Variants in AAMDC observed in about 807,000 individuals in gnomAD.
The protein encoded by AAMDC is mth938 domain-containing protein.
Under a neutral mutation model 15.5 loss-of-function variants are expected in AAMDC, and 16 were observed. The observed-to-expected ratio is 1.03, with a 90% confidence interval of 0.70 to 1.57. The LOEUF is 1.57. Ranked by LOEUF, AAMDC falls within the 40% of genes most tolerant of loss-of-function variation. The pLI is 0.00. For synonymous variants in AAMDC, 51 were observed against 51.6 expected, an observed-to-expected ratio of 0.99 and a Z score of 0.05; for missense variants, 141 against 144.9, an observed-to-expected ratio of 0.97 and a Z score of 0.14.
In AAMDC at chr11:77,824,010, C is replaced by T. The variant is rs192867796; in HGVS notation, c.-19+2769C>T. Among the ~76,000 whole-genome samples, 194 of 152,250 alleles carry T rather than the reference C, an allele frequency of 1.3e-3. 1 individual carries two copies. The highest frequency in any genetic ancestry group is 4.5e-3 in the African/African-American group (187 of 41,550). On this transcript the variant is annotated intron_variant, in intron 1 of 3. Coordinates refer to ENST00000393427, the MANE Select transcript of AAMDC (RefSeq NM_024684.4). Reference sequence around the variant, plus strand: ...TGATAAATAAAGGTTAGAGTTTCTGCCTTTTCTAATCTAGATCGGCAGGGA... The same window carrying T: ...TGATAAATAAAGGTTAGAGTTTCTGTCTTTTCTAATCTAGATCGGCAGGGA...
At position 77,869,194 on chromosome 11, in the gene AAMDC, AT is replaced by A. The variant is rs201671729; in HGVS notation, c.133-524del. 6.2e-3 allele frequency: 1,354 copies of A among 218,198 alleles called. 20 individuals are homozygous for A. The highest frequency in any genetic ancestry group is 0.028 in the African/African-American group (1,206 of 42,568). 13.5% of individuals were successfully genotyped at this position (218,198 alleles called of 1,614,324 possible). On this transcript the variant is annotated intron_variant, in intron 2 of 3. Coordinates refer to ENST00000393427, the MANE Select transcript of AAMDC (RefSeq NM_024684.4). ...TCTCCTCTTTCCCTTTGTATTTGTC[AT>A]TTTGGCAAATTACTGGAAGATGGTT...
intron 2 of AAMDC, chr11:77,850,818 T>C (rs1206834088): frequency 6.6e-6 from 1 of 151,702 alleles, no homozygotes; most frequent in African/African-American, 2.4e-5. Flanking sequence ...ACACTCACAC[T>C]TTGTCCCCCT....
intron 2 of AAMDC, among the ~76,000 whole-genome samples, chr11:77,846,139 C>A (rs927658536): frequency 6.6e-6 from 1 of 151,986 alleles, no homozygotes; most frequent in Non-Finnish European, 1.5e-5. Context: ...TCTATAAAGT[C>A]TGTATTCTTT....
intron 2 of AAMDC, among the ~76,000 whole-genome samples, chr11:77,862,357 C>T (rs767210597): frequency 3.3e-5 from 5 of 152,170 alleles, no homozygotes; most frequent in Non-Finnish European, 5.9e-5. Flanking sequence ...AGAGGATTGT[C>T]CTAACCCTTG....
At chr11:77,848,280 T>C (rs1020812440) in intron 2 of AAMDC, among the ~76,000 whole-genome samples, 6 of 152,228 alleles carry the variant, frequency 3.9e-5, no homozygotes, top group Non-Finnish European at 1.5e-5. Context: ...GAGAGATCCA[T>C]TTCCCTTCAG....
At chr11:77,872,465 A>G, downstream of AAMDC, 2 of 890,032 alleles carry the variant, frequency 2.2e-6, no homozygotes, top group African/African-American at 1.7e-5. Flanking sequence ...TGACCAAGAC[A>G]AGGTCCCTGT....
chr11:77,888,929 G>A (rs1425494327), intron 5 of AAMDC, among the ~76,000 whole-genome samples: 4 of 152,188 alleles, frequency 2.6e-5, no homozygotes, highest in African/African-American at 7.2e-5. Context: ...GAATCAACAC[G>A]TGCTGGAGAG....
At chr11:77,879,174 G>A (rs1951696126) in intron 5 of AAMDC, 1 of 1,595,422 alleles carries the variant, frequency 6.3e-7, no homozygotes, top group Non-Finnish European at 8.6e-7. Flanking sequence ...CAACTGCTAG[G>A]AATGAGGATG....
intron 5 of AAMDC, among the ~76,000 whole-genome samples, chr11:77,880,220 G>A (rs1951739100): frequency 6.6e-6 from 1 of 152,168 alleles, no homozygotes; most frequent in Non-Finnish European, 1.5e-5. Context: ...AGGCTAGATG[G>A]ATCTAAATTA....
chr11:77,839,303 C>CT (rs914922269), intron 1 of AAMDC, among the ~76,000 whole-genome samples: 28 of 151,912 alleles, frequency 1.8e-4, no homozygotes, highest in African/African-American at 5.3e-4. Flanking sequence ...ACACACTTGG[C>CT]TTTTTTTTGT....
At chr11:77,834,235 G>T (rs1262002111) in intron 1 of AAMDC, among the ~76,000 whole-genome samples, 4 of 152,088 alleles carry the variant, frequency 2.6e-5, no homozygotes, top group Admixed American at 2.6e-4. Context: ...TCACTTAATG[G>T]TTAGGGAAGC....
intron 1 of AAMDC, 128 bp from the exon 2 acceptor site, chr11:77,842,351 A>C: frequency 1.1e-6 from 1 of 876,974 alleles, no homozygotes; most frequent in Non-Finnish European, 1.7e-6. Context: ...CTAAAGAAGA[A>C]GTAACAACCA....
intron 2 of AAMDC, among the ~76,000 whole-genome samples, chr11:77,865,611 A>G (rs962755732): frequency 6.6e-6 from 1 of 152,254 alleles, no homozygotes; most frequent in African/African-American, 2.4e-5. Flanking sequence ...CTTATCAGCT[A>G]TATGCCCCAG....
chr11:77,855,836 A>T (rs1369847359), intron 2 of AAMDC, among the ~76,000 whole-genome samples: 1 of 149,634 alleles, frequency 6.7e-6, no homozygotes, highest in African/African-American at 2.5e-5. Context: ...GCAGTGGCTC[A>T]TCCCTGTAAT....
At chr11:77,831,304 A>G (rs1297883418) in intron 1 of AAMDC, among the ~76,000 whole-genome samples, 1 of 152,090 alleles carries the variant, frequency 6.6e-6, no homozygotes, top group East Asian at 1.9e-4. Context: ...CCTCAAAATG[A>G]TAAACATAAA....
chr11:77,833,196 G>GGC (rs1949534005), intron 1 of AAMDC, among the ~76,000 whole-genome samples: 6 of 151,306 alleles, frequency 4.0e-5, no homozygotes, highest in African/African-American at 1.2e-4. Flanking sequence ...TTTTAGTAGA[G>GGC]ATGGGGTTTT....
At chr11:77,848,055 G>A (rs1183509849) in intron 2 of AAMDC, among the ~76,000 whole-genome samples, 1 of 152,148 alleles carries the variant, frequency 6.6e-6, no homozygotes, top group Non-Finnish European at 1.5e-5. Flanking sequence ...GTAGTCTACC[G>A]AGTCCACCAA....
chr11:77,823,418 G>A (rs1378262987), intron 1 of AAMDC, among the ~76,000 whole-genome samples: 1 of 151,202 alleles, frequency 6.6e-6, no homozygotes, highest in African/African-American at 2.4e-5. Flanking sequence ...TGACCCTGGG[G>A]ACCTGAAGAC....
At chr11:77,888,327 G>C (rs1290645537) in intron 5 of AAMDC, among the ~76,000 whole-genome samples, 2 of 152,162 alleles carry the variant, frequency 1.3e-5, no homozygotes, top group African/African-American at 2.4e-5. Context: ...ATGGGGAAAG[G>C]ATTCCCTATT....
Sources: gnomAD v4.1 joint callset for allele counts (sites outside exome capture counted in the v4.1 genomes callset) on GRCh38, gnomAD v4.1.1 for gene constraint, MANE v1.5 for transcripts, NCBI Gene and HGNC (gene_info 2026-07-23, HGNC 2026-07-21) for gene names.